The following CNTN4 variants were observed in gnomAD, a reference collection of about 807,000 sequenced individuals.
CNTN4 encodes the protein contactin-4.
Under a neutral mutation model 122.5 loss-of-function variants are expected in CNTN4, and 77 were observed. The observed-to-expected ratio is 0.63, with a 90% CI of 0.52 to 0.76. The LOEUF (loss-of-function observed/expected upper bound fraction) is 0.76, where lower values mean the gene tolerates loss of function less well. Among genes scored for constraint, CNTN4 ranks in the 30% least tolerant of loss-of-function variants. The pLI is 0.00. For synonymous variants in CNTN4, 512 were observed against 447.0 expected (o/e 1.15, Z -1.83); for missense variants, 1,256 against 1,259.1 (o/e 1.00, Z 0.04).
At chr3:2,732,555 G>A (rs540620964) in intron 4 of CNTN4, among the ~76,000 whole-genome samples, 1 of 151,786 alleles carries the variant, frequency 6.6e-6, no homozygotes, top group East Asian at 1.9e-4. Context: ...AACGGTAAAT[G>A]CAGTCTTTTG....
chr3:2,722,562 C>G (rs1463320744), intron 4 of CNTN4, among the ~76,000 whole-genome samples: 1 of 152,078 alleles, frequency 6.6e-6, no homozygotes, highest in Non-Finnish European at 1.5e-5. Flanking sequence ...TCAAAAGACC[C>G]AACAACTCAA....
At chr3:2,816,392 A>T (rs187440592) in intron 6 of CNTN4, among the ~76,000 whole-genome samples, 1,973 of 152,006 alleles carry the variant, frequency 0.013, 21 homozygotes, top group Admixed American at 0.023. Context: ...AATAAATAAA[A>T]AAAGAATGAT....
intron 14 of CNTN4, among the ~76,000 whole-genome samples, chr3:2,997,037 T>A (rs1327645481): frequency 6.6e-6 from 1 of 152,218 alleles, no homozygotes; most frequent in African/African-American, 2.4e-5. Flanking sequence ...ATTCCTTTAC[T>A]GAAGGAAAGA....
At chr3:2,559,079 A>G (rs2078839841) in intron 3 of CNTN4, among the ~76,000 whole-genome samples, 1 of 152,202 alleles carries the variant, frequency 6.6e-6, no homozygotes, top group African/African-American at 2.4e-5. Flanking sequence ...CTAACAGGCT[A>G]TTACACTAAC....
rs947244304 is a variant in CNTN4 at position 3,057,851 on chromosome 3, A to C, written c.*1631A>C. 1 of 152,662 alleles carries C rather than the reference A, an allele frequency of 6.6e-6. No homozygotes were observed. Among genetic ancestry groups the C allele is most frequent in the African/African-American group, 2.4e-5 (1 of 41,460 alleles). 9.5% of individuals were successfully genotyped at this position (152,662 alleles called of 1,614,324 possible). On this transcript the variant is annotated 3_prime_UTR_variant, in exon 25 of 25. Coordinates refer to ENST00000418658, the MANE Select transcript of CNTN4 (RefSeq NM_175607.3). ...CAAAATAATAAAATGAACGAAAAAAAATGACACCCAGGGAGTTCCCAACCC... is the reference window on the plus strand; with the variant it reads ...CAAAATAATAAAATGAACGAAAAAACATGACACCCAGGGAGTTCCCAACCC...
chr3:2,121,527 C>T (rs1351086619), intron 2 of CNTN4, among the ~76,000 whole-genome samples: 2 of 151,140 alleles, frequency 1.3e-5, no homozygotes, highest in Non-Finnish European at 2.9e-5. Context: ...AAGTTGTGTG[C>T]ACGGGGACCC....
chr3:2,888,564 G>A (rs2094003696), intron 10 of CNTN4, among the ~76,000 whole-genome samples: 1 of 151,986 alleles, frequency 6.6e-6, no homozygotes, highest in South Asian at 2.1e-4. Flanking sequence ...TTCATACCCG[G>A]AACCCATGAA....
intron 6 of CNTN4, among the ~76,000 whole-genome samples, chr3:2,800,364 C>A (rs1052280160): frequency 3.9e-5 from 6 of 151,970 alleles, no homozygotes; most frequent in Non-Finnish European, 8.8e-5. Flanking sequence ...TATGTACTTT[C>A]TTATTATTTT....
At chr3:2,115,679 G>T (rs895345655) in intron 2 of CNTN4, among the ~76,000 whole-genome samples, 1 of 152,156 alleles carries the variant, frequency 6.6e-6, no homozygotes, top group African/African-American at 2.4e-5. Context: ...CTCTCTATTG[G>T]TTTTCAAGTT....
intron 2 of CNTN4, among the ~76,000 whole-genome samples, chr3:2,146,462 T>G (rs1419241477): frequency 6.6e-6 from 1 of 152,122 alleles, no homozygotes; most frequent in Non-Finnish European, 1.5e-5. Context: ...GAAATACATT[T>G]TATATTGTTC....
At chr3:2,743,122 C>T (rs2089553583) in intron 5 of CNTN4, among the ~76,000 whole-genome samples, 1 of 152,128 alleles carries the variant, frequency 6.6e-6, no homozygotes, top group Non-Finnish European at 1.5e-5. Flanking sequence ...TAAAAAGACT[C>T]ACATGGCCCC....
intron 6 of CNTN4, among the ~76,000 whole-genome samples, chr3:2,793,434 C>G (rs2092074200): frequency 6.6e-6 from 1 of 151,996 alleles, no homozygotes; most frequent in Non-Finnish European, 1.5e-5. Flanking sequence ...TGGTTTATTT[C>G]CATCTATAAT....
intron 20 of CNTN4, among the ~76,000 whole-genome samples, chr3:3,040,799 T>C (rs1275340010): frequency 2.0e-5 from 3 of 151,932 alleles, no homozygotes; most frequent in Non-Finnish European, 4.4e-5. Context: ...TAGTGGCACA[T>C]CCCTGTAATC....
intron 3 of CNTN4, among the ~76,000 whole-genome samples, chr3:2,464,594 A>G (rs115514797): frequency 0.017 from 2,556 of 152,182 alleles, 69 homozygotes; most frequent in African/African-American, 0.057. Context: ...GTGGATCACA[A>G]TCGCCTGGGG....
intron 2 of CNTN4, among the ~76,000 whole-genome samples, chr3:2,150,297 TA>T (rs1323061008): frequency 1.3e-5 from 2 of 151,966 alleles, no homozygotes; most frequent in African/African-American, 2.4e-5. Flanking sequence ...TTTTAATAAG[TA>T]AAAAAAAGTC....
At chr3:2,547,272 ATTTATTTT>A (rs1421706522) in intron 3 of CNTN4, among the ~76,000 whole-genome samples, 1 of 140,264 alleles carries the variant, frequency 7.1e-6, no homozygotes, top group African/African-American at 2.6e-5. Context: ...TTATTTATTT[ATTTATTTT>A]GAGATGGGAT....
chr3:2,929,135 G>C (rs66725465), intron 13 of CNTN4, among the ~76,000 whole-genome samples: 3 of 151,900 alleles, frequency 2.0e-5, no homozygotes, highest in African/African-American at 7.3e-5. Flanking sequence ...TGTCTTGTGT[G>C]TGTCTCCAGC....
At chr3:2,703,586 T>C (rs78048040) in intron 4 of CNTN4, among the ~76,000 whole-genome samples, 2,736 of 152,232 alleles carry the variant, frequency 0.018, 93 homozygotes, top group African/African-American at 0.063. Flanking sequence ...ACTTTCAGTA[T>C]CTAGGAATCT....
chr3:3,034,402 A>C (rs938058981), intron 16 of CNTN4, among the ~76,000 whole-genome samples: 5 of 152,140 alleles, frequency 3.3e-5, no homozygotes, highest in African/African-American at 1.2e-4. Context: ...AGTTTTTCAT[A>C]TTAAACTGTG....
Sources: gnomAD v4.1 joint callset for allele counts (sites outside exome capture counted in the v4.1 genomes callset) on GRCh38, gnomAD v4.1.1 for gene constraint, MANE v1.5 for transcripts, NCBI Gene and HGNC (gene_info 2026-07-23, HGNC 2026-07-21) for gene names.